Variants in TNNI3K observed in about 807,000 individuals in gnomAD.
TNNI3K encodes serine/threonine-protein kinase TNNI3K.
TNNI3K carries 140 observed loss-of-function variants against 114.5 expected under a neutral mutation model. The ratio of observed to expected loss-of-function variants is 1.22; its 90% CI spans 1.07 to 1.41. The LOEUF is 1.41. Ranked by LOEUF, TNNI3K falls within the 40% of genes most tolerant of loss-of-function variation. The pLI is 0.00. For synonymous variants in TNNI3K, 347 were observed against 347.5 expected (o/e 1.00, Z 0.02); for missense variants, 1,125 against 1,007.6 (o/e 1.12, Z -1.58).
At chr1:74,311,954 A>T (rs2100353986) in intron 5 of TNNI3K, among the ~76,000 whole-genome samples, 2 of 152,342 alleles carry the variant, frequency 1.3e-5, no homozygotes, top group Admixed American at 1.3e-4. Flanking sequence ...CATTAACATT[A>T]TAAAGTTAAC....
At chr1:74,518,028 C>CGAT (rs1646373665) in intron 23 of TNNI3K, among the ~76,000 whole-genome samples, 1 of 152,092 alleles carries the variant, frequency 6.6e-6, no homozygotes, top group East Asian at 1.9e-4. Flanking sequence ...TTTGAGCAAG[C>CGAT]GATGACCTCG....
rs60688934 is a variant in TNNI3K at position 74,543,064 on chromosome 1, CT to C, written c.2432-813del. ...CTTTTCCTTTTCTTTTTCTTTTTCC[CT>C]TTTTTTTTTTTTTTTTTTTTTTTTT... On this transcript the variant is annotated intron_variant, in intron 24 of 24. Coordinates refer to ENST00000326637, the MANE Select transcript of TNNI3K (RefSeq NM_015978.3). 8.7e-3 allele frequency among the ~76,000 whole-genome samples: 59 copies of C among 6,760 alleles called. 8 individuals are homozygous for C. The highest frequency in any genetic ancestry group is 0.062 in the Middle Eastern group (1 of 16). 4.4% of individuals were successfully genotyped at this position (6,760 alleles called of 152,430 possible). A position where few individuals can be genotyped will look rare whatever the true frequency, so the allele number is the denominator to read the frequency against.
intron 11 of TNNI3K, among the ~76,000 whole-genome samples, chr1:74,364,843 T>G (rs1156981605): frequency 1.3e-5 from 2 of 151,994 alleles, no homozygotes; most frequent in African/African-American, 4.8e-5. Flanking sequence ...GGAAACCAAT[T>G]ATCTCCTAAG....
chr1:74,295,560 A>G (rs992627528), intron 5 of TNNI3K, among the ~76,000 whole-genome samples: 9 of 152,140 alleles, frequency 5.9e-5, no homozygotes, highest in African/African-American at 1.9e-4. Context: ...TAGAATTGCT[A>G]TATTTTCTTG....
intron 21 of TNNI3K, chr1:74,472,089 T>C (rs1168166706): frequency 1.4e-6 from 1 of 717,268 alleles, no homozygotes. Context: ...CATTGTCTTC[T>C]TTTTCTATTG....
At position 74,463,541 on chromosome 1, in the gene TNNI3K, A is replaced by G. The variant is rs199994603; in HGVS notation, c.2112A>G (p.Ala704=). 13 of 1,614,212 alleles carry G rather than the reference A, an allele frequency of 8.1e-6. No homozygotes were observed. Among genetic ancestry groups the G allele is most frequent in the Non-Finnish European group, 1.1e-5 (13 of 1,180,040 alleles). The part of the protein sequence containing the change: ...ISSLLIRGWN[A]CPEGRPEFSE... ...CTCTGCTGATACGAGGGTGGAACGCATGTCCTGAAGTGAGTAATTTTTATT... is the reference window on the plus strand; with the variant it reads ...CTCTGCTGATACGAGGGTGGAACGCGTGTCCTGAAGTGAGTAATTTTTATT... Residue 704 remains alanine (A), a synonymous_variant, in exon 21 of 25, where the codon GCA becomes GCG. Transcript: ENST00000326637.
intron 21 of TNNI3K, chr1:74,483,162 C>T: frequency 1.5e-6 from 1 of 655,484 alleles, no homozygotes; most frequent in Non-Finnish European, 2.8e-6. Context: ...AGGGTTACCT[C>T]TTAAGCTGAG....
At chr1:74,347,903 T>C (rs1215214599) in intron 9 of TNNI3K, among the ~76,000 whole-genome samples, 5 of 152,222 alleles carry the variant, frequency 3.3e-5, no homozygotes, top group Admixed American at 3.3e-4. Flanking sequence ...ATTAGCCCTT[T>C]GTCAGATGAG....
intron 11 of TNNI3K, among the ~76,000 whole-genome samples, chr1:74,354,662 A>G (rs1055542589): frequency 6.6e-6 from 1 of 152,204 alleles, no homozygotes; most frequent in Admixed American, 6.5e-5. Context: ...TGGTATGAAA[A>G]CAACTGGGTT....
At chr1:74,461,774 C>A (rs753716030) in intron 20 of TNNI3K, among the ~76,000 whole-genome samples, 1 of 152,110 alleles carries the variant, frequency 6.6e-6, no homozygotes, top group South Asian at 2.1e-4. Flanking sequence ...AGTAGTTATG[C>A]CTTTGGCACA....
At chr1:74,410,110 G>T (rs1304466004) in intron 17 of TNNI3K, among the ~76,000 whole-genome samples, 1 of 152,132 alleles carries the variant, frequency 6.6e-6, no homozygotes, top group African/African-American at 2.4e-5. Context: ...ATTGAGTGAT[G>T]AATATAATAC....
At chr1:74,398,149 TC>T (rs1156259400) in intron 17 of TNNI3K, among the ~76,000 whole-genome samples, 1 of 152,206 alleles carries the variant, frequency 6.6e-6, no homozygotes, top group African/African-American at 2.4e-5. Flanking sequence ...TAAGCAAGCC[TC>T]CCTGGAGGAA....
chr1:74,454,307 T>A lies in TNNI3K; in HGVS notation c.2012-9134T>A, dbSNP rs28722201. Reference sequence around the variant, plus strand: ...CTCCATTATGCTACTGAATACTAGATCTTATTCATTTTATCTAACTGTACT... The same window carrying A: ...CTCCATTATGCTACTGAATACTAGAACTTATTCATTTTATCTAACTGTACT... On this transcript the variant is annotated intron_variant, in intron 20 of 24. Transcript: ENST00000326637. 3.0e-3 allele frequency among the ~76,000 whole-genome samples: 461 copies of A among 152,284 alleles called. 3 individuals carry two copies. Among genetic ancestry groups the A allele is most frequent in the African/African-American group, 0.011 (444 of 41,580 alleles).
At chr1:74,437,410 A>G (rs1385210877) in intron 19 of TNNI3K, among the ~76,000 whole-genome samples, 1 of 152,102 alleles carries the variant, frequency 6.6e-6, no homozygotes, top group Non-Finnish European at 1.5e-5. Flanking sequence ...AACAAAATAT[A>G]TCTCAGGCAG....
chr1:74,402,054 A>G (rs564729949), intron 17 of TNNI3K: 144 of 202,318 alleles, frequency 7.1e-4, no homozygotes, highest in Admixed American at 1.8e-3. Flanking sequence ...CTCATCCTTT[A>G]GAGTTTTTTA....
At chr1:74,535,447 G>A (rs1646649138) in intron 23 of TNNI3K, among the ~76,000 whole-genome samples, 1 of 152,130 alleles carries the variant, frequency 6.6e-6, no homozygotes, top group Admixed American at 6.6e-5. Context: ...TCCAGCCTGG[G>A]TGACTGAGAG....
At chr1:74,438,114 A>G (rs560699733) in intron 19 of TNNI3K, among the ~76,000 whole-genome samples, 9 of 151,892 alleles carry the variant, frequency 5.9e-5, no homozygotes, top group African/African-American at 1.9e-4. Flanking sequence ...GTTAATTTGA[A>G]ATTTATTTTG....
intron 23 of TNNI3K, among the ~76,000 whole-genome samples, chr1:74,508,053 G>A (rs1377430316): frequency 3.3e-5 from 5 of 152,142 alleles, no homozygotes; most frequent in African/African-American, 4.8e-5. Context: ...ATACAATGAC[G>A]GGCACACGAC....
chr1:74,473,425 T>G (rs1379430595), intron 21 of TNNI3K, among the ~76,000 whole-genome samples: 1 of 152,168 alleles, frequency 6.6e-6, no homozygotes, highest in Non-Finnish European at 1.5e-5. Flanking sequence ...TGAAATTTTT[T>G]CATCCAGAGG....
Sources: allele counts gnomAD v4.1 joint callset (sites outside exome capture counted in the v4.1 genomes callset), GRCh38; gene constraint gnomAD v4.1.1; transcripts MANE v1.5; gene names NCBI Gene and HGNC (gene_info 2026-07-23, HGNC 2026-07-21).